Variants in CSMD1 observed in about 807,000 individuals in gnomAD.
CSMD1 encodes CUB and Sushi multiple domains 1, also known as CUB and sushi domain-containing protein 1.
Under a neutral mutation model 417.5 loss-of-function variants are expected in CSMD1, and 213 were observed. That is an observed-to-expected ratio of 0.51 (90% CI 0.46 to 0.57). The LOEUF is 0.57. CSMD1 is among the 20% of genes least tolerant of loss of function. The probability of loss-of-function intolerance (pLI) is 0.00; values close to 1 mark genes in which losing one functional copy is unlikely to be tolerated. For missense variants in CSMD1, 6,923 were observed against 4,529.7 expected (o/e 1.53, Z -15.17); for synonymous variants, 2,862 against 1,736.8 (o/e 1.65, Z -16.11).
At chr8:3,524,086 C>G (rs542492516) in intron 10 of CSMD1, among the ~76,000 whole-genome samples, 8 of 150,280 alleles carry the variant, frequency 5.3e-5, no homozygotes, top group East Asian at 2.0e-4. Context: ...CATGCACACA[C>G]GCATGCACAC....
chr8:3,660,973 G>A (rs1397960482), intron 7 of CSMD1, among the ~76,000 whole-genome samples: 1 of 152,174 alleles, frequency 6.6e-6, no homozygotes, highest in Non-Finnish European at 1.5e-5. Context: ...GCAGAGGTGA[G>A]GGATTGGCAG....
chr8:4,678,317 A>G (rs1340407765), intron 1 of CSMD1, among the ~76,000 whole-genome samples: 1 of 152,118 alleles, frequency 6.6e-6, no homozygotes, highest in East Asian at 1.9e-4. Context: ...AGGGTGAGGC[A>G]TGAGAATAAC....
At chr8:4,480,091 C>A (rs1454863785) in intron 2 of CSMD1, among the ~76,000 whole-genome samples, 1 of 151,642 alleles carries the variant, frequency 6.6e-6, no homozygotes, top group Non-Finnish European at 1.5e-5. Context: ...AGTAGCTGAA[C>A]CATGACCAGT....
chr8:3,590,492 G>A (rs1414480498), intron 8 of CSMD1, among the ~76,000 whole-genome samples: 1 of 152,110 alleles, frequency 6.6e-6, no homozygotes, highest in South Asian at 2.1e-4. Context: ...TTGCTCCTGA[G>A]CTTCCACAAT....
intron 1 of CSMD1, among the ~76,000 whole-genome samples, chr8:4,868,423 C>G (rs1469549174): frequency 1.3e-5 from 2 of 151,866 alleles, no homozygotes; most frequent in Non-Finnish European, 2.9e-5. Context: ...TTAGTAGAGA[C>G]CGGGGTTTTG....
chr8:3,058,896 C>T (rs986116787), intron 49 of CSMD1, among the ~76,000 whole-genome samples: 4 of 152,078 alleles, frequency 2.6e-5, no homozygotes, highest in African/African-American at 7.2e-5. Context: ...CCACCTCCTC[C>T]TCCATTCTGA....
chr8:3,833,119 G>A (rs1390872114), intron 5 of CSMD1, among the ~76,000 whole-genome samples: 1 of 152,052 alleles, frequency 6.6e-6, no homozygotes, highest in Admixed American at 6.6e-5. Context: ...CCCACTACAG[G>A]GAGCATGTCA....
chr8:3,256,704 A>T (rs61379730), intron 26 of CSMD1, among the ~76,000 whole-genome samples: 1 of 152,170 alleles, frequency 6.6e-6, no homozygotes, highest in East Asian at 1.9e-4. Context: ...ATGCCTGTCA[A>T]CACCCAGAAA....
chr8:4,056,948 G>C (rs1020330486), intron 3 of CSMD1, among the ~76,000 whole-genome samples: 1 of 152,100 alleles, frequency 6.6e-6, no homozygotes, highest in South Asian at 2.1e-4. Flanking sequence ...TTGGACATTT[G>C]GGTTGGTTCC....
chr8:4,927,044 C>T (rs906659109), intron 1 of CSMD1, among the ~76,000 whole-genome samples: 1 of 151,100 alleles, frequency 6.6e-6, no homozygotes, highest in African/African-American at 2.4e-5. Context: ...CTTCAGCATT[C>T]CTTTTAATGA....
At chr8:4,167,155 C>T (rs183559800) in intron 3 of CSMD1, among the ~76,000 whole-genome samples, 84 of 152,180 alleles carry the variant, frequency 5.5e-4, no homozygotes, top group African/African-American at 2.0e-3. Context: ...TTTTTTTCTA[C>T]CTACTTCTGA....
At chr8:3,048,894 T>C in intron 50 of CSMD1, among the ~76,000 whole-genome samples, 1 of 145,120 alleles carries the variant, frequency 6.9e-6, no homozygotes, top group Non-Finnish European at 1.5e-5. Context: ...AAAAAGGAAG[T>C]TAACAACCTG....
chr8:3,780,832 T>C (rs570936677), intron 5 of CSMD1, among the ~76,000 whole-genome samples: 1 of 152,286 alleles, frequency 6.6e-6, no homozygotes, highest in African/African-American at 2.4e-5. Flanking sequence ...ATAGAACAAT[T>C]TCCTCAATAA....
chr8:4,498,910 T>A (rs1294712262), intron 2 of CSMD1, among the ~76,000 whole-genome samples: 2 of 152,110 alleles, frequency 1.3e-5, no homozygotes, highest in Non-Finnish European at 2.9e-5. Context: ...ATGATTTAGA[T>A]CACAGGGCTC....
intron 3 of CSMD1, among the ~76,000 whole-genome samples, chr8:4,367,757 T>C (rs532171929): frequency 6.6e-6 from 1 of 152,184 alleles, no homozygotes. Flanking sequence ...TTGTAATTCT[T>C]GCTGTGGAAA....
intron 2 of CSMD1, among the ~76,000 whole-genome samples, chr8:4,471,764 G>A (rs781236546): frequency 1.6e-4 from 24 of 152,038 alleles, no homozygotes; most frequent in African/African-American, 2.4e-4. Context: ...TTTCTTTAGC[G>A]TCACAAAGGA....
At chr8:3,853,708 AG>A (rs1357736147) in intron 5 of CSMD1, among the ~76,000 whole-genome samples, 5 of 151,982 alleles carry the variant, frequency 3.3e-5, no homozygotes, top group Admixed American at 3.3e-4. Flanking sequence ...GCCTCAGTAA[AG>A]AAACCACCTC....
At chr8:4,290,215 A>T (rs970793410) in intron 3 of CSMD1, among the ~76,000 whole-genome samples, 2 of 151,934 alleles carry the variant, frequency 1.3e-5, no homozygotes, top group East Asian at 3.8e-4. Context: ...ACACACTTGT[A>T]TGTGTGTCTG....
chr8:3,821,427 G>T (rs532923997), intron 5 of CSMD1, among the ~76,000 whole-genome samples: 2 of 152,300 alleles, frequency 1.3e-5, no homozygotes, highest in South Asian at 2.1e-4. Flanking sequence ...TATGCATTCT[G>T]CTATGACGCA....
Sources: gnomAD v4.1 joint callset for allele counts (sites outside exome capture counted in the v4.1 genomes callset) on GRCh38, gnomAD v4.1.1 for gene constraint, MANE v1.5 for transcripts, NCBI Gene and HGNC (gene_info 2026-07-23, HGNC 2026-07-21) for gene names.